RGL1: variants seen among roughly 807,000 people sequenced by gnomAD.
The protein encoded by RGL1 is ral guanine nucleotide dissociation stimulator like 1.
A neutral mutation model predicts 95.2 loss-of-function variants in RGL1; 24 were observed. The observed-to-expected ratio is 0.25, with a 90% confidence interval of 0.18 to 0.35. The LOEUF (loss-of-function observed/expected upper bound fraction) is 0.35, where lower values mean the gene tolerates loss of function less well. RGL1 is among the 10% of genes least tolerant of loss of function. The pLI, the probability that RGL1 is intolerant of heterozygous loss-of-function variation, is 1.00. For missense variants in RGL1, 715 were observed against 936.3 expected (o/e 0.76, Z 3.08); for synonymous variants, 329 against 344.9 (o/e 0.95, Z 0.51).
chr1:183,779,801 T>G (rs547173968), intron 2 of RGL1, among the ~76,000 whole-genome samples: 1 of 152,290 alleles, frequency 6.6e-6, no homozygotes, highest in Non-Finnish European at 1.5e-5. Context: ...TGTATCTTTT[T>G]TTTTTTGAAT....
At chr1:183,864,065 C>G (rs1558256860) in intron 3 of RGL1, among the ~76,000 whole-genome samples, 1 of 152,142 alleles carries the variant, frequency 6.6e-6, no homozygotes, top group Non-Finnish European at 1.5e-5. Flanking sequence ...CACCTCAGCT[C>G]TGAGTCTGAA....
intron 2 of RGL1, among the ~76,000 whole-genome samples, chr1:183,829,861 G>A (rs376957962): frequency 1.7e-4 from 1 of 5,906 alleles, no homozygotes; most frequent in Non-Finnish European, 4.9e-4. Flanking sequence ...ATGTTTCCTC[G>A]TGAAATTTAT....
At chr1:183,885,019 G>C (rs905344694) in intron 7 of RGL1, 81 bp downstream of exon 7, 2 of 1,263,226 alleles carry the variant, frequency 1.6e-6, no homozygotes, top group African/African-American at 3.0e-5. Flanking sequence ...TGGTTTAGCT[G>C]TTTGGTTGAA....
chr1:183,827,064 A>G (rs560834023), intron 2 of RGL1, among the ~76,000 whole-genome samples: 2 of 152,300 alleles, frequency 1.3e-5, no homozygotes, highest in African/African-American at 4.8e-5. Flanking sequence ...CTGGGATTAC[A>G]GGCATACGCC....
intron 1 of RGL1, among the ~76,000 whole-genome samples, chr1:183,667,054 G>C (rs1652091550): frequency 6.6e-6 from 1 of 152,142 alleles, no homozygotes; most frequent in Non-Finnish European, 1.5e-5. Context: ...TTAAGCATTG[G>C]TATGTTTTCT....
chr1:183,886,321 A>G (rs1667107083), intron 7 of RGL1, among the ~76,000 whole-genome samples: 1 of 152,226 alleles, frequency 6.6e-6, no homozygotes, highest in African/African-American at 2.4e-5. Context: ...CTTATTGCTC[A>G]GCAAGTAAGA....
intron 3 of RGL1, among the ~76,000 whole-genome samples, chr1:183,859,757 G>T (rs953770760): frequency 2.0e-5 from 3 of 152,152 alleles, no homozygotes; most frequent in African/African-American, 7.2e-5. Context: ...TTCCTTTCCT[G>T]CAAGAGAACA....
intron 2 of RGL1, among the ~76,000 whole-genome samples, chr1:183,819,231 A>G (rs1298863543): frequency 1.3e-5 from 2 of 152,188 alleles, no homozygotes; most frequent in African/African-American, 2.4e-5. Context: ...TTATGAAGGG[A>G]TCTGACACAT....
intron 1 of RGL1, among the ~76,000 whole-genome samples, chr1:183,692,033 G>A (rs1020315452): frequency 6.6e-6 from 1 of 150,454 alleles, no homozygotes; most frequent in South Asian, 2.1e-4. Flanking sequence ...ATATGAATAT[G>A]AGAATCTTAA....
chr1:183,736,958 G>T (rs1249813777), intron 1 of RGL1, among the ~76,000 whole-genome samples: 2 of 151,854 alleles, frequency 1.3e-5, no homozygotes, highest in Non-Finnish European at 2.9e-5. Flanking sequence ...ACCATTTAAA[G>T]AGGAGGAGGA....
At chr1:183,745,031 C>T (rs542264540) in intron 2 of RGL1, among the ~76,000 whole-genome samples, 1 of 152,208 alleles carries the variant, frequency 6.6e-6, no homozygotes, top group Non-Finnish European at 1.5e-5. Flanking sequence ...TATATCCTCA[C>T]CTGTTATTGG....
At chr1:183,819,881 C>T (rs1420754004) in intron 2 of RGL1, among the ~76,000 whole-genome samples, 1 of 151,130 alleles carries the variant, frequency 6.6e-6, no homozygotes, top group Non-Finnish European at 1.5e-5. Flanking sequence ...AACTGCTGGT[C>T]TCAAAGGGTT....
chr1:183,877,618 G>A (rs1046555324), intron 4 of RGL1, among the ~76,000 whole-genome samples: 9 of 152,142 alleles, frequency 5.9e-5, no homozygotes, highest in African/African-American at 1.7e-4. Flanking sequence ...TGCTGTTTGT[G>A]TATGTCTTTC....
chr1:183,904,824 A>G, intron 12 of RGL1, 26 bp from the exon 13 acceptor site: 1 of 1,567,116 alleles, frequency 6.4e-7, no homozygotes, highest in Non-Finnish European at 8.6e-7. Context: ...TTTTTTTTTT[A>G]ATTTTTGGTA....
chr1:183,742,811 TA>T (rs1263105209), intron 2 of RGL1, among the ~76,000 whole-genome samples: 2 of 152,162 alleles, frequency 1.3e-5, no homozygotes, highest in Admixed American at 1.3e-4. Flanking sequence ...TTAAAGCTTT[TA>T]TTTTTATTAT....
intron 17 of RGL1, among the ~76,000 whole-genome samples, chr1:183,925,629 T>C (rs1669571758): frequency 6.6e-6 from 1 of 152,222 alleles, no homozygotes; most frequent in African/African-American, 2.4e-5. Context: ...ATTTCAATAT[T>C]TCAAGTAGAA....
rs75406380 is a variant in RGL1 at position 183,842,832 on chromosome 1, T to C, written c.139-4734T>C. ...TAATAATTCAAAGTTACTAAGATAA[T>C]ATAAGCAAAAACAGGTCCTAAAGTC... is the stretch of plus-strand genomic sequence containing the variant. On this transcript the variant is annotated intron_variant, in intron 2 of 17. Coordinates refer to ENST00000360851, the MANE Select transcript of RGL1 (RefSeq NM_001297671.3). Among the ~76,000 whole-genome samples the C allele has an allele frequency of 6.0e-3, 915 of 152,332 alleles. 10 individuals are homozygous for C. Among genetic ancestry groups the C allele is most frequent in the African/African-American group, 0.021 (869 of 41,576 alleles).
rs113076859 is a variant in RGL1 at position 183,922,245 on chromosome 1, C to T, written c.2028C>T (p.Pro676=). The change falls in exon 17 of 18, where the codon CCC becomes CCT. Residue 676 remains proline, a synonymous_variant. Transcript: ENST00000360851. The part of the protein sequence containing the change: ...SIMLTSQDKT[P]AVIQRAMLKH... ...AGTTGACGAGCCAGGATAAAACCCCCGCTGTGATCCAGAGAGCCATGCTGA... is the reference window on the plus strand; with the variant it reads ...AGTTGACGAGCCAGGATAAAACCCCTGCTGTGATCCAGAGAGCCATGCTGA... The T allele has an allele frequency of 5.4e-3, 8,785 of 1,613,972 alleles. 37 individuals carry two copies. The highest frequency in any genetic ancestry group is 7.1e-3 in the Non-Finnish European group (8,354 of 1,179,914).
intron 1 of RGL1, among the ~76,000 whole-genome samples, chr1:183,637,185 C>T (rs1649602624): frequency 6.6e-6 from 1 of 152,220 alleles, no homozygotes; most frequent in Non-Finnish European, 1.5e-5. Context: ...AAAGTGTTTC[C>T]AAGCTCTAAA....
Sources: gnomAD v4.1 joint callset for allele counts (sites outside exome capture counted in the v4.1 genomes callset) on GRCh38, gnomAD v4.1.1 for gene constraint, MANE v1.5 for transcripts, NCBI Gene and HGNC (gene_info 2026-07-23, HGNC 2026-07-21) for gene names.